Variants in SLC7A7 observed in about 807,000 individuals in gnomAD.
SLC7A7 encodes the protein solute carrier family 7 member 7.
SLC7A7 carries 39 observed loss-of-function variants against 47.9 expected under a neutral mutation model. The observed-to-expected ratio is 0.81, with a 90% CI of 0.63 to 1.06. SLC7A7 has a LOEUF of 1.06. SLC7A7 is among the 50% of genes least tolerant of loss of function. The probability of loss-of-function intolerance (pLI) is 0.00; values close to 1 mark genes in which losing one functional copy is unlikely to be tolerated. For missense variants in SLC7A7, 588 were observed against 632.0 expected, an observed-to-expected ratio of 0.93 and a Z score of 0.75; for synonymous variants, 234 against 242.8, an observed-to-expected ratio of 0.96 and a Z score of 0.34.
intron 2 of SLC7A7, among the ~76,000 whole-genome samples, chr14:22,805,150 A>G (rs1472920464): frequency 6.7e-6 from 1 of 150,080 alleles, no homozygotes; most frequent in Non-Finnish European, 1.5e-5. Flanking sequence ...GGTGGACCAC[A>G]AGGTCAGGAG....
intron 4 of SLC7A7, among the ~76,000 whole-genome samples, chr14:22,778,521 T>C (rs577459590): frequency 2.0e-5 from 3 of 152,294 alleles, no homozygotes; most frequent in South Asian, 2.1e-4. Flanking sequence ...CATAAGCATA[T>C]AATACAACCT....
chr14:22,780,213 G>T, intron 2 of SLC7A7, 162 bp from the exon 3 acceptor site: 2 of 791,372 alleles, frequency 2.5e-6, no homozygotes, highest in Non-Finnish European at 4.1e-6. Flanking sequence ...GCCCCAGAAT[G>T]TCCTCACCAT....
intron 2 of SLC7A7, among the ~76,000 whole-genome samples, chr14:22,806,316 C>T (rs989560558): frequency 1.3e-5 from 2 of 150,342 alleles, no homozygotes; most frequent in African/African-American, 2.4e-5. Flanking sequence ...CTGCCTCAGC[C>T]TCCCAAGTAG....
At chr14:22,818,583 G>GTTTTT (rs565680138), upstream of SLC7A7, among the ~76,000 whole-genome samples, 37 of 129,506 alleles carry the variant, frequency 2.9e-4, 1 homozygote, top group Non-Finnish European at 3.6e-4. Context: ...CAGGTTTTTG[G>GTTTTT]TTTTTTTTTT....
intron 4 of SLC7A7, among the ~76,000 whole-genome samples, chr14:22,777,691 T>C (rs1594946992): frequency 6.6e-6 from 1 of 152,252 alleles, no homozygotes; most frequent in African/African-American, 2.4e-5. Context: ...TCCCATAGCG[T>C]TACCACTAGT....
At chr14:22,777,004 G>C (rs902035157) in intron 4 of SLC7A7, among the ~76,000 whole-genome samples, 4 of 151,036 alleles carry the variant, frequency 2.6e-5, no homozygotes, top group African/African-American at 9.8e-5. Context: ...TTAGCCAAGC[G>C]TGGTGGTGCA....
At chr14:22,780,140 A>C in intron 2 of SLC7A7, 89 bp from the exon 3 acceptor site, 1 of 1,563,182 alleles carries the variant, frequency 6.4e-7, no homozygotes, top group South Asian at 1.1e-5. Flanking sequence ...CCAGTCACCA[A>C]GATATATATA....
intron 2 of SLC7A7, among the ~76,000 whole-genome samples, chr14:22,788,618 C>G (rs6572753): frequency 2.7e-5 from 4 of 150,306 alleles, no homozygotes; most frequent in South Asian, 2.1e-4. Context: ...GCAGGAGAAT[C>G]GCTTGAACCC....
chr14:22,781,975 A>G (rs2038726882), intron 2 of SLC7A7, among the ~76,000 whole-genome samples: 1 of 152,218 alleles, frequency 6.6e-6, no homozygotes, highest in African/African-American at 2.4e-5. Flanking sequence ...GTGTGCCACA[A>G]GGTTCTTCTC....
chr14:22,813,508 C>A, intron 1 of SLC7A7, 68 bp from the exon 2 acceptor site: 1 of 1,370,576 alleles, frequency 7.3e-7, no homozygotes, highest in Non-Finnish European at 1.0e-6. Context: ...TACCCGCCTC[C>A]AACACAGGGT....
chr14:22,805,728 T>G (rs772046630), intron 2 of SLC7A7, among the ~76,000 whole-genome samples: 1 of 152,084 alleles, frequency 6.6e-6, no homozygotes, highest in Admixed American at 6.6e-5. Context: ...TGTTTACCTA[T>G]GTAACAAAGC....
At chr14:22,785,142 G>T (rs1308963388) in intron 2 of SLC7A7, among the ~76,000 whole-genome samples, 4 of 152,252 alleles carry the variant, frequency 2.6e-5, no homozygotes. Flanking sequence ...AGCTGAGTGT[G>T]GTGGCGCATG....
chr14:22,817,129 A>ATTTTTTTTTTTTTTTTTTT, upstream of SLC7A7: 1 of 100,358 alleles, frequency 1.0e-5, no homozygotes, highest in South Asian at 3.0e-4. Flanking sequence ...CCTTCCTTTT[A>ATTTTTTTTTTTTTTTTTTT]TTTTTTTTTT....
At chr14:22,804,513 A>G (rs1413351271) in intron 2 of SLC7A7, among the ~76,000 whole-genome samples, 1 of 152,226 alleles carries the variant, frequency 6.6e-6, no homozygotes, top group Non-Finnish European at 1.5e-5. Context: ...AAACAAATTT[A>G]CAAGAAAGAA....
At chr14:22,801,995 T>C (rs992376588) in intron 2 of SLC7A7, among the ~76,000 whole-genome samples, 3 of 152,192 alleles carry the variant, frequency 2.0e-5, no homozygotes, top group Non-Finnish European at 4.4e-5. Context: ...CTGCCTACTA[T>C]GCTAAAAATA....
intron 2 of SLC7A7, among the ~76,000 whole-genome samples, chr14:22,792,190 A>G (rs1427434205): frequency 6.6e-6 from 1 of 151,862 alleles, no homozygotes. Context: ...TTGATACATT[A>G]TTTCTTCCAC....
chr14:22,798,984 T>C (rs1032304307), intron 2 of SLC7A7, among the ~76,000 whole-genome samples: 13 of 152,114 alleles, frequency 8.5e-5, no homozygotes, highest in Admixed American at 3.3e-4. Context: ...AGAGAGTGGA[T>C]AACAGTTATC....
chr14:22,788,729 A>C lies in SLC7A7; in HGVS notation c.500-8678T>G, dbSNP rs114863369. ...GGAAAAAAAAAAAAAAAAAGTGAACAATCTACGACTACAGACAAAAATACA... is the reference window on the plus strand; with the variant it reads ...GGAAAAAAAAAAAAAAAAAGTGAACCATCTACGACTACAGACAAAAATACA... On this transcript the variant is annotated intron_variant, in intron 2 of 9. Transcript: ENST00000674313. 8.6e-3 allele frequency among the ~76,000 whole-genome samples: 1,307 copies of C among 151,988 alleles called. 23 individuals are homozygous for C. Among genetic ancestry groups the C allele is most frequent in the African/African-American group, 0.03 (1,236 of 41,398 alleles).
chr14:22,818,626 G>A (rs1392427336), upstream of SLC7A7, among the ~76,000 whole-genome samples: 1 of 137,000 alleles, frequency 7.3e-6, no homozygotes, highest in Admixed American at 7.6e-5. Flanking sequence ...TACCCGAGAT[G>A]GAGTTTTGCT....
Sources: gnomAD v4.1 joint callset for allele counts (sites outside exome capture counted in the v4.1 genomes callset) on GRCh38, gnomAD v4.1.1 for gene constraint, MANE v1.5 for transcripts, NCBI Gene and HGNC (gene_info 2026-07-23, HGNC 2026-07-21) for gene names.